The following SEMA5A variants were observed in gnomAD, a reference collection of about 807,000 sequenced individuals.
SEMA5A encodes semaphorin-5A.
A neutral mutation model predicts 135.5 loss-of-function variants in SEMA5A; 55 were observed. The observed-to-expected ratio is 0.41, with a 90% CI of 0.33 to 0.51. The LOEUF is 0.51. Among genes scored for constraint, SEMA5A ranks in the 20% least tolerant of loss-of-function variants. The probability of loss-of-function intolerance (pLI) is 0.37; values close to 1 mark genes in which losing one functional copy is unlikely to be tolerated. For synonymous variants in SEMA5A, 580 were observed against 546.5 expected, an observed-to-expected ratio of 1.06 and a Z score of -0.85; for missense variants, 1,290 against 1,419.9, an observed-to-expected ratio of 0.91 and a Z score of 1.47.
intron 4 of SEMA5A, among the ~76,000 whole-genome samples, chr5:9,325,754 A>T (rs1386423984): frequency 6.6e-6 from 1 of 152,166 alleles, no homozygotes; most frequent in Non-Finnish European, 1.5e-5. Context: ...TGAAAGACAC[A>T]GGTGTTTTAA....
chr5:9,103,552 T>C (rs538708258), intron 16 of SEMA5A, among the ~76,000 whole-genome samples: 114 of 152,334 alleles, frequency 7.5e-4, no homozygotes, highest in Non-Finnish European at 1.4e-3. Context: ...ATCTCCCCTG[T>C]GCTCCCTGTT....
chr5:9,301,915 C>A (rs185711710), intron 5 of SEMA5A, among the ~76,000 whole-genome samples: 1 of 152,102 alleles, frequency 6.6e-6, no homozygotes, highest in Admixed American at 6.5e-5. Context: ...TATCAATGGG[C>A]CAAACTCAAG....
chr5:9,159,419 T>G (rs73038847), intron 11 of SEMA5A, among the ~76,000 whole-genome samples: 162 of 152,178 alleles, frequency 1.1e-3, no homozygotes, highest in African/African-American at 3.9e-3. Context: ...TGGAGGGCAA[T>G]GAAAAGAAAG....
chr5:9,185,983 G>GCTTCT (rs1744787582), intron 11 of SEMA5A, among the ~76,000 whole-genome samples: 1 of 152,134 alleles, frequency 6.6e-6, no homozygotes, highest in Non-Finnish European at 1.5e-5. Flanking sequence ...AGTCAAGTAA[G>GCTTCT]GGAGAAACTC....
At chr5:9,125,202 C>T (rs113213637) in intron 13 of SEMA5A, among the ~76,000 whole-genome samples, 2 of 152,304 alleles carry the variant, frequency 1.3e-5, no homozygotes, top group African/African-American at 4.8e-5. Context: ...TCTAACCAAC[C>T]CTCTAACATT....
At chr5:9,354,489 T>G (rs1470925984) in intron 3 of SEMA5A, among the ~76,000 whole-genome samples, 1 of 152,192 alleles carries the variant, frequency 6.6e-6, no homozygotes, top group Admixed American at 6.5e-5. Flanking sequence ...ATGGTGAACT[T>G]TAATTATTTG....
chr5:9,166,350 G>A (rs145321445), intron 11 of SEMA5A, among the ~76,000 whole-genome samples: 19 of 152,216 alleles, frequency 1.2e-4, no homozygotes, highest in Non-Finnish European at 2.1e-4. Context: ...ATCACAGGCC[G>A]TGTGACCGAG....
At chr5:9,358,643 T>A (rs1327434562) in intron 3 of SEMA5A, among the ~76,000 whole-genome samples, 1 of 152,226 alleles carries the variant, frequency 6.6e-6, no homozygotes, top group Non-Finnish European at 1.5e-5. Flanking sequence ...AAGATGTGAT[T>A]CAATGAATGA....
At chr5:9,325,881 AAAG>A (rs1752850899) in intron 4 of SEMA5A, among the ~76,000 whole-genome samples, 1 of 152,240 alleles carries the variant, frequency 6.6e-6, no homozygotes, top group Non-Finnish European at 1.5e-5. Context: ...ACAACTGAGA[AAAG>A]AAGAATTAAG....
At chr5:9,431,593 A>AT (rs138680656) in intron 2 of SEMA5A, among the ~76,000 whole-genome samples, 5,296 of 152,224 alleles carry the variant, frequency 0.035, 109 homozygotes, top group Non-Finnish European at 0.037. Context: ...CCCTGCAGCT[A>AT]TAGAGGCCTC....
At chr5:9,353,292 AGGAAGGGAAG>A (rs1236551746) in intron 3 of SEMA5A, among the ~76,000 whole-genome samples, 1 of 118,854 alleles carries the variant, frequency 8.4e-6, no homozygotes, top group Non-Finnish European at 1.8e-5. Context: ...AAGGAGGGAA[AGGAAGGGAAG>A]GGAAGGGAAG....
chr5:9,347,024 G>A (rs1421729594), intron 3 of SEMA5A, among the ~76,000 whole-genome samples: 1 of 152,050 alleles, frequency 6.6e-6, no homozygotes, highest in African/African-American at 2.4e-5. Flanking sequence ...TACAGGAAAT[G>A]AGTCTGTCCC....
chr5:9,296,127 T>G (rs1309121798), intron 5 of SEMA5A, among the ~76,000 whole-genome samples: 2 of 152,126 alleles, frequency 1.3e-5, no homozygotes, highest in Non-Finnish European at 2.9e-5. Flanking sequence ...AAGGGATGTG[T>G]AATTGGGGCA....
At chr5:9,249,099 A>T (rs1748636821) in intron 5 of SEMA5A, among the ~76,000 whole-genome samples, 1 of 152,224 alleles carries the variant, frequency 6.6e-6, no homozygotes, top group Non-Finnish European at 1.5e-5. Flanking sequence ...GGCCCATTGT[A>T]CGAAATTGGA....
At chr5:9,172,697 G>A (rs113953963) in intron 11 of SEMA5A, among the ~76,000 whole-genome samples, 160 of 152,224 alleles carry the variant, frequency 1.1e-3, no homozygotes, top group African/African-American at 3.6e-3. Context: ...CACTTTAAAG[G>A]ATTTTTTACT....
intron 4 of SEMA5A, among the ~76,000 whole-genome samples, chr5:9,328,344 C>T (rs1752968966): frequency 6.6e-6 from 1 of 152,224 alleles, no homozygotes; most frequent in Admixed American, 6.5e-5. Flanking sequence ...GTGCATCCTG[C>T]ACACAATATG....
intron 15 of SEMA5A, among the ~76,000 whole-genome samples, chr5:9,116,473 T>C (rs1230815346): frequency 6.6e-6 from 1 of 152,146 alleles, no homozygotes; most frequent in Non-Finnish European, 1.5e-5. Context: ...TTAAAGTACA[T>C]GTAAAAATTA....
chr5:9,240,622 T>C (rs1429624237), intron 5 of SEMA5A, among the ~76,000 whole-genome samples: 6 of 152,166 alleles, frequency 3.9e-5, no homozygotes, highest in African/African-American at 1.4e-4. Flanking sequence ...TGTGGGTTCT[T>C]ATTTCTCACA....
At chr5:9,235,651 T>G (rs1747867431) in intron 6 of SEMA5A, among the ~76,000 whole-genome samples, 1 of 151,170 alleles carries the variant, frequency 6.6e-6, no homozygotes, top group African/African-American at 2.4e-5. Flanking sequence ...CTAAACATTT[T>G]CAGAACAGAC....
Sources: gnomAD v4.1 joint callset for allele counts (sites outside exome capture counted in the v4.1 genomes callset) on GRCh38, gnomAD v4.1.1 for gene constraint, MANE v1.5 for transcripts, NCBI Gene and HGNC (gene_info 2026-07-23, HGNC 2026-07-21) for gene names.